Variants in MECR observed in about 807,000 individuals in gnomAD.
MECR encodes mitochondrial trans-2-enoyl-CoA reductase.
Under a neutral mutation model 49.1 loss-of-function variants are expected in MECR, and 37 were observed. The ratio of observed to expected loss-of-function variants is 0.75; its 90% CI spans 0.58 to 0.99. The LOEUF (loss-of-function observed/expected upper bound fraction) is 0.99, where lower values mean the gene tolerates loss of function less well. Among genes scored for constraint, MECR ranks in the 50% least tolerant of loss-of-function variants. MECR has a pLI of 0.00. For missense variants in MECR, 470 were observed against 479.6 expected, an observed-to-expected ratio of 0.98 and a Z score of 0.19; for synonymous variants, 198 against 191.1, an observed-to-expected ratio of 1.04 and a Z score of -0.30.
chr1:29,191,028 C>T (rs952539886), downstream of MECR, among the ~76,000 whole-genome samples: 5 of 152,260 alleles, frequency 3.3e-5, no homozygotes, highest in Admixed American at 2.0e-4. Context: ...GCCTAATCTG[C>T]TCTCTTCGTC....
intron 7 of MECR, among the ~76,000 whole-genome samples, chr1:29,199,126 T>G (rs1308293620): frequency 1.3e-5 from 2 of 152,252 alleles, no homozygotes; most frequent in African/African-American, 4.8e-5. Context: ...ACCTGGTAGC[T>G]AGTAAGTGCT....
At chr1:29,205,915 A>G (rs1028828883) in intron 4 of MECR, among the ~76,000 whole-genome samples, 1 of 151,840 alleles carries the variant, frequency 6.6e-6, no homozygotes, top group African/African-American at 2.4e-5. Flanking sequence ...ACTCCCCTTC[A>G]TTTCTTCTTC....
chr1:29,206,554 A>G (rs530724679), intron 4 of MECR, among the ~76,000 whole-genome samples: 3 of 152,184 alleles, frequency 2.0e-5, no homozygotes, highest in Non-Finnish European at 4.4e-5. Context: ...GCAGTTTTCG[A>G]GAGTGTACTC....
At chr1:29,189,789 A>C (rs1673087123), downstream of MECR, among the ~76,000 whole-genome samples, 2 of 152,130 alleles carry the variant, frequency 1.3e-5, no homozygotes, top group Admixed American at 6.5e-5. Context: ...TTCAAAGCAC[A>C]GTTCTGATCT....
the MECR span, among the ~76,000 whole-genome samples, chr1:29,187,430 C>T: frequency 4.6e-5 from 7 of 151,340 alleles, no homozygotes; most frequent in Admixed American, 2.6e-4. Context: ...TGGCTGGTCT[C>T]GAACTCCTGA....
chr1:29,181,896 CA>C, the MECR span: 1 of 557,024 alleles, frequency 1.8e-6, no homozygotes, highest in Non-Finnish European at 2.8e-6. Context: ...CGTACGCGAG[CA>C]CGCAGCTCGC....
At chr1:29,187,303 T>C in the MECR span, among the ~76,000 whole-genome samples, 2 of 150,898 alleles carry the variant, frequency 1.3e-5, no homozygotes, top group Non-Finnish European at 3.0e-5. Context: ...AACCTCCGCC[T>C]CCGGGTTCAA....
the MECR span, among the ~76,000 whole-genome samples, chr1:29,181,171 C>T: frequency 2.6e-5 from 4 of 152,236 alleles, no homozygotes; most frequent in African/African-American, 9.6e-5. Flanking sequence ...CTCCAAGGCT[C>T]CAGTCCTCGG....
At chr1:29,211,099 T>TG (rs529373638) in intron 3 of MECR, among the ~76,000 whole-genome samples, 72 of 150,072 alleles carry the variant, frequency 4.8e-4, no homozygotes, top group African/African-American at 1.0e-3. Context: ...TTTTTTTTTT[T>TG]TTTGTTTTGA....
downstream of MECR, among the ~76,000 whole-genome samples, chr1:29,192,572 C>G (rs922634253): frequency 7.9e-5 from 12 of 152,268 alleles, no homozygotes; most frequent in African/African-American, 2.6e-4. Flanking sequence ...GCTTTGGGCA[C>G]ACACTAGGCA....
At chr1:29,226,993 C>G (rs1157212700) in intron 1 of MECR, among the ~76,000 whole-genome samples, 1 of 132,100 alleles carries the variant, frequency 7.6e-6, no homozygotes, top group Non-Finnish European at 1.6e-5. Flanking sequence ...CAGCCTCACT[C>G]TGTCGCTGAG....
chr1:29,216,878 T>C (rs992950498), intron 1 of MECR, 193 bp from the exon 2 acceptor site: 13 of 1,314,300 alleles, frequency 9.9e-6, no homozygotes, highest in Non-Finnish European at 1.3e-5. Context: ...CTCACGCCTG[T>C]AATCCCAGCA....
In MECR at chr1:29,230,844, G is replaced by C. The variant is rs536512736; in HGVS notation, c.63C>G (p.Leu21=). ...RTPARQWRGL[L]PASGCHGPAA... Reference sequence around the variant, plus strand: ...CAGGTCCGTGACAGCCAGAAGCTGGGAGCAGCCCCCGCCACTGCCGGGCGG... The same window carrying C: ...CAGGTCCGTGACAGCCAGAAGCTGGCAGCAGCCCCCGCCACTGCCGGGCGG... The change falls in exon 1 of 10, where the codon CTC becomes CTG. Residue 21 remains leucine (L), a synonymous_variant. Transcript: ENST00000263702. 2.5e-6 allele frequency: 4 copies of C among 1,605,526 alleles called. No homozygotes were observed. The East Asian group carries it at 6.7e-5, about 27-fold the overall frequency.
chr1:29,214,016 G>A (rs981813592), intron 3 of MECR, among the ~76,000 whole-genome samples: 4 of 151,672 alleles, frequency 2.6e-5, no homozygotes, highest in African/African-American at 9.7e-5. Flanking sequence ...AGCTGAACCC[G>A]AAGCTTTCAC....
the MECR span, chr1:29,172,084 A>G: frequency 6.6e-6 from 1 of 152,200 alleles, no homozygotes; most frequent in South Asian, 2.1e-4. Context: ...TTCCCCATAT[A>G]TTGGGGGAAA....
In MECR at chr1:29,202,035, G is replaced by A; in HGVS notation, c.664C>T (p.Gln222Ter). 1.9e-6 allele frequency: 3 copies of A among 1,614,092 alleles called. No individual in the cohort carries two copies. Among genetic ancestry groups the A allele is most frequent in the Non-Finnish European group, 2.5e-6 (3 of 1,179,990 alleles). ...CTCTTCAGTCTGTCACTCAGCTTCT[G>A]GATATCAGGTCTGGAAACCAAACAT... is the stretch of plus-strand genomic sequence containing the variant. ...INVVRDRPDIQKLSDRLKSLG... is the reference protein window; with the variant it reads ...INVVRDRPDI Residue 222 changes from glutamine (Q) to a stop codon, truncating the protein, a stop_gained, in exon 6 of 10, where the codon CAG becomes TAG. Transcript: ENST00000263702. LOFTEE classifies it high-confidence loss of function.
chr1:29,197,808 T>C (rs1674359477), intron 7 of MECR, among the ~76,000 whole-genome samples: 1 of 152,220 alleles, frequency 6.6e-6, no homozygotes, highest in Non-Finnish European at 1.5e-5. Flanking sequence ...AGGCTTCTAC[T>C]ATGTGCCAGG....
chr1:29,181,430 A>G, the MECR span, among the ~76,000 whole-genome samples: 1 of 152,110 alleles, frequency 6.6e-6, no homozygotes, highest in Non-Finnish European at 1.5e-5. Context: ...TCAGGGCCTC[A>G]GCACAGCTCC....
intron 1 of MECR, chr1:29,229,095 T>C (rs1288434068): frequency 6.6e-6 from 1 of 152,250 alleles, no homozygotes; most frequent in East Asian, 1.9e-4. Context: ...GACTGATGTG[T>C]CTTCTTGACA....
Sources: allele counts gnomAD v4.1 joint callset (sites outside exome capture counted in the v4.1 genomes callset), GRCh38; gene constraint gnomAD v4.1.1; transcripts MANE v1.5; gene names NCBI Gene and HGNC (gene_info 2026-07-23, HGNC 2026-07-21).